The following EFCAB13 variants were observed in gnomAD, a reference collection of about 807,000 sequenced individuals.
The protein encoded by EFCAB13 is EF-hand calcium binding domain 13.
A neutral mutation model predicts 110.2 loss-of-function variants in EFCAB13; 91 were observed. The observed-to-expected ratio is 0.83, with a 90% confidence interval of 0.70 to 0.98. The LOEUF (loss-of-function observed/expected upper bound fraction) is 0.98. EFCAB13 is among the 50% of genes least tolerant of loss of function. The pLI, the probability that EFCAB13 is intolerant of heterozygous loss-of-function variation, is 0.00. For missense variants in EFCAB13, 968 were observed against 1,119.4 expected, an observed-to-expected ratio of 0.86 and a Z score of 1.93; for synonymous variants, 323 against 369.9, an observed-to-expected ratio of 0.87 and a Z score of 1.45.
chr17:47,389,462 A>T (rs114693451), intron 14 of EFCAB13, among the ~76,000 whole-genome samples: 53 of 152,264 alleles, frequency 3.5e-4, no homozygotes, highest in African/African-American at 1.3e-3. Flanking sequence ...CAGCCACTTT[A>T]CAATCCCAAG....
chr17:47,335,081 G>T, intron 4 of EFCAB13, 115 bp from the exon 5 acceptor site: 2 of 1,170,206 alleles, frequency 1.7e-6, no homozygotes, highest in Non-Finnish European at 2.3e-6. Flanking sequence ...AATTCTCTTC[G>T]GTAGCACTAT....
At chr17:47,394,251 G>C (rs2065725536) in intron 16 of EFCAB13, 152 bp downstream of exon 16, 5 of 483,886 alleles carry the variant, frequency 1.0e-5, no homozygotes. Context: ...GCTATATTTG[G>C]CTTTAATCTC....
At chr17:47,348,923 G>C (rs1045664776) in intron 9 of EFCAB13, among the ~76,000 whole-genome samples, 1 of 152,086 alleles carries the variant, frequency 6.6e-6, no homozygotes, top group African/African-American at 2.4e-5. Context: ...ATGAAGTCCA[G>C]TCTGCAATTT....
chr17:47,357,836 A>G (rs1470885967), intron 9 of EFCAB13, among the ~76,000 whole-genome samples: 1 of 152,234 alleles, frequency 6.6e-6, no homozygotes, highest in African/African-American at 2.4e-5. Flanking sequence ...AATGATGGAT[A>G]GGAGGCAGGA....
chr17:47,344,056 G>A, intron 6 of EFCAB13, 106 bp from the exon 7 acceptor site: 1 of 1,253,498 alleles, frequency 8.0e-7, no homozygotes, highest in Non-Finnish European at 1.1e-6. Flanking sequence ...TAATTAATGA[G>A]GAGCCAAGGT....
intron 24 of EFCAB13, among the ~76,000 whole-genome samples, chr17:47,434,374 C>T (rs1905173693): frequency 6.6e-6 from 1 of 151,780 alleles, no homozygotes. Context: ...AAGATCTCCA[C>T]AAGGAAAACT....
chr17:47,344,939 G>A lies in EFCAB13; in HGVS notation c.435-77G>A. Reference sequence around the variant, plus strand: ...AGGTTCTTATGAATCTCAGACTATTGGTAAGTTTGCTAATATTTTAAAATG... The same window carrying A: ...AGGTTCTTATGAATCTCAGACTATTAGTAAGTTTGCTAATATTTTAAAATG... On this transcript the variant is annotated intron_variant, in intron 7 of 24. Transcript: ENST00000331493. 3.8e-6 allele frequency: 4 copies of A among 1,065,146 alleles called. No individual in the cohort carries two copies. In the South Asian group the frequency reaches 5.4e-5, roughly 14 times the overall value. 66.0% of individuals were successfully genotyped at this position (1,065,146 alleles called of 1,614,324 possible).
At chr17:47,359,871 CG>C (rs1555579787) in intron 9 of EFCAB13, among the ~76,000 whole-genome samples, 9 of 142,614 alleles carry the variant, frequency 6.3e-5, no homozygotes, top group Non-Finnish European at 4.5e-5. Flanking sequence ...TGAGAACATG[CG>C]GTGTTTGGTT....
Position 47,374,827 on chromosome 17 carries a change from G to A in EFCAB13, c.1233G>A (p.Lys411=), listed in dbSNP as rs2065605273. Residue 411 remains lysine (K), a synonymous_variant, in exon 12 of 25, where the codon AAG becomes AAA. Transcript: ENST00000331493. ...CAAAGTCTAAACCACAAAGCTTGAA[G>A]AGTAGTACAAGCCTCAGTAAGTCTC... ...HDSKSKPQSL[K]SSTSLSKSLD... 1 of 1,613,948 alleles carries A rather than the reference G, an allele frequency of 6.2e-7. No homozygotes were observed. The highest frequency in any genetic ancestry group is 1.3e-5 in the African/African-American group (1 of 74,930).
intron 4 of EFCAB13, among the ~76,000 whole-genome samples, chr17:47,333,917 A>G (rs2065334526): frequency 6.6e-6 from 1 of 152,130 alleles, no homozygotes; most frequent in African/African-American, 2.4e-5. Context: ...CTTTGGCTAT[A>G]TGGGGTGTTT....
At chr17:47,390,271 C>G (rs1048149043) in intron 14 of EFCAB13, among the ~76,000 whole-genome samples, 1 of 151,894 alleles carries the variant, frequency 6.6e-6, no homozygotes, top group African/African-American at 2.4e-5. Flanking sequence ...ACACAATATA[C>G]ACAAACAATA....
At chr17:47,394,799 T>C (rs1055622290) in intron 16 of EFCAB13, among the ~76,000 whole-genome samples, 10 of 152,158 alleles carry the variant, frequency 6.6e-5, no homozygotes, top group African/African-American at 2.4e-4. Flanking sequence ...GAGAAAGAGA[T>C]TGTCAGTTAC....
chr17:47,329,711 G>C (rs1305150976), intron 4 of EFCAB13: 1 of 151,996 alleles, frequency 6.6e-6, no homozygotes, highest in African/African-American at 2.4e-5. Flanking sequence ...TGTGTCAAAA[G>C]CTTCTACTCT....
chr17:47,377,746 T>G lies in EFCAB13; in HGVS notation c.1373-20T>G. ...CATAAATTCTGTTGCCTAATAGTTC[T>G]CTACATTTTGTGTATTTAGAAAACT... On this transcript the variant is annotated intron_variant, in intron 12 of 24. Transcript: ENST00000331493. The G allele has an allele frequency of 1.3e-6, 2 of 1,549,534 alleles. No individual in the cohort carries two copies.
In EFCAB13 at chr17:47,374,631, A is replaced by G. The variant is rs775307757; in HGVS notation, c.1037A>G (p.Tyr346Cys). 74 of 1,606,128 alleles carry G rather than the reference A, an allele frequency of 4.6e-5. No individual in the cohort carries two copies. Among genetic ancestry groups the G allele is most frequent in the Non-Finnish European group, 6.0e-5 (71 of 1,178,160 alleles). The change falls in exon 12 of 25, where the codon TAT becomes TGT. Residue 346 changes from tyrosine to cysteine, a missense_variant. Tyr to Cys is a radical substitution (Grantham distance 194). Transcript: ENST00000331493. ...KKLNKKSNQY[Y>C]SKIMENDDLE... ...TTAAATAAAAAAAGCAACCAATATTATAGCAAAATTATGGAGAATGATGAC... is the reference window on the plus strand; with the variant it reads ...TTAAATAAAAAAAGCAACCAATATTGTAGCAAAATTATGGAGAATGATGAC...
intron 11 of EFCAB13, 80 bp downstream of exon 11, chr17:47,370,588 T>TAAAAC: frequency 1.0e-6 from 1 of 980,754 alleles, no homozygotes; most frequent in South Asian, 1.7e-5. Flanking sequence ...TAAGTTTTAT[T>TAAAAC]TTATAAAGGG....
At chr17:47,384,171 T>C (rs1478550303) in intron 14 of EFCAB13, among the ~76,000 whole-genome samples, 1 of 150,812 alleles carries the variant, frequency 6.6e-6, no homozygotes, top group Non-Finnish European at 1.5e-5. Context: ...TTTTTTTTTT[T>C]GCTTTCCATT....
At chr17:47,428,154 A>G (rs530708388) in intron 23 of EFCAB13, among the ~76,000 whole-genome samples, 5 of 152,170 alleles carry the variant, frequency 3.3e-5, no homozygotes, top group African/African-American at 9.6e-5. Flanking sequence ...ATAATAAAAA[A>G]TGTTTGAATA....
At chr17:47,327,356 G>A (rs2065292323) in intron 3 of EFCAB13, among the ~76,000 whole-genome samples, 1 of 151,894 alleles carries the variant, frequency 6.6e-6, no homozygotes, top group African/African-American at 2.4e-5. Context: ...GTAGAGACGG[G>A]GTTTCATCAT....
Sources: gnomAD v4.1 joint callset for allele counts (sites outside exome capture counted in the v4.1 genomes callset) on GRCh38, gnomAD v4.1.1 for gene constraint, MANE v1.5 for transcripts, NCBI Gene and HGNC (gene_info 2026-07-23, HGNC 2026-07-21) for gene names.